Variants in REPS2 observed in about 807,000 individuals in gnomAD.
REPS2 encodes the protein ralBP1-associated Eps domain-containing protein 2.
REPS2 carries 23 observed loss-of-function variants against 53.6 expected under a neutral mutation model. The observed-to-expected ratio is 0.43, with a 90% CI of 0.31 to 0.61. REPS2 has a LOEUF of 0.61. Ranked by LOEUF, REPS2 falls within the 20% of genes least tolerant of loss-of-function variation. The pLI, the probability that REPS2 is intolerant of heterozygous loss-of-function variation, is 0.11. For missense variants in REPS2, 446 were observed against 534.9 expected (o/e 0.83, Z 1.64); for synonymous variants, 238 against 218.6 (o/e 1.09, Z -0.78).
At chrX:17,173,079 C>T in the REPS2 span, among the ~76,000 whole-genome samples, 1 of 109,983 alleles carries the variant, frequency 9.1e-6, no homozygotes, top group African/African-American at 3.3e-5. Flanking sequence ...AAAATAATAC[C>T]TCTATTAGTT....
downstream of REPS2, among the ~76,000 whole-genome samples, chrX:17,155,749 A>G (rs1468280898): frequency 3.6e-5 from 4 of 112,090 alleles, no homozygotes; most frequent in Non-Finnish European, 7.5e-5. Flanking sequence ...AATTTGTTAT[A>G]TATCTTCTGG....
intron 3 of REPS2, among the ~76,000 whole-genome samples, chrX:17,024,721 C>T (rs1183123468): frequency 9.0e-6 from 1 of 111,024 alleles, no homozygotes; most frequent in African/African-American, 3.3e-5. Context: ...TGAAATCTAT[C>T]CACAGAGAGA....
chrX:17,163,760 A>G, the REPS2 span, among the ~76,000 whole-genome samples: 2 of 112,141 alleles, frequency 1.8e-5, no homozygotes, highest in Non-Finnish European at 3.8e-5. Context: ...TCATTCTCAA[A>G]TAAACAAAAA....
chrX:17,023,292 G>T (rs1234195769), intron 3 of REPS2, among the ~76,000 whole-genome samples: 1 of 111,030 alleles, frequency 9.0e-6, no homozygotes, highest in Non-Finnish European at 1.9e-5. Flanking sequence ...GCCGGGCGTG[G>T]TGGCATGTGC....
chrX:17,020,828 A>G (rs2061565637), intron 2 of REPS2, among the ~76,000 whole-genome samples: 1 of 110,379 alleles, frequency 9.1e-6, no homozygotes, highest in Admixed American at 9.7e-5. Flanking sequence ...ACGGGGTTTT[A>G]CCATGTTGGC....
chrX:16,965,794 C>T (rs1006440650), intron 1 of REPS2, among the ~76,000 whole-genome samples: 3 of 112,456 alleles, frequency 2.7e-5, no homozygotes, highest in East Asian at 2.8e-4. Flanking sequence ...GCTGAGATCA[C>T]GCCACTGCAC....
chrX:16,982,609 G>C (rs1004359722), intron 1 of REPS2, among the ~76,000 whole-genome samples: 2 of 112,049 alleles, frequency 1.8e-5, no homozygotes, highest in African/African-American at 6.5e-5. Context: ...GATGTTTCAC[G>C]AGTTGATAGA....
At chrX:17,080,365 G>A (rs756048250) in intron 13 of REPS2, among the ~76,000 whole-genome samples, 8 of 93,686 alleles carry the variant, frequency 8.5e-5, no homozygotes, top group African/African-American at 1.2e-4. Context: ...TTCTCTTTTT[G>A]TCCTTCTCCC....
At chrX:17,131,279 C>T (rs950836472) in intron 14 of REPS2, among the ~76,000 whole-genome samples, 1 of 110,981 alleles carries the variant, frequency 9.0e-6, no homozygotes, top group African/African-American at 3.3e-5. Context: ...TCTCAGATGC[C>T]AGGGGCAGGA....
At chrX:17,139,735 G>A (rs1216941979) in intron 17 of REPS2, among the ~76,000 whole-genome samples, 1 of 110,849 alleles carries the variant, frequency 9.0e-6, no homozygotes, top group Non-Finnish European at 1.9e-5. Flanking sequence ...TCCTTGGCTT[G>A]TAGCTGCGTC....
intron 1 of REPS2, among the ~76,000 whole-genome samples, chrX:16,949,948 C>A (rs1333819302): frequency 9.0e-6 from 1 of 111,064 alleles, no homozygotes; most frequent in African/African-American, 3.3e-5. Flanking sequence ...TGGGTTTGGA[C>A]AAATGTATAA....
At chrX:17,000,659 C>A (rs1474297498) in intron 1 of REPS2, among the ~76,000 whole-genome samples, 2 of 110,799 alleles carry the variant, frequency 1.8e-5, no homozygotes, top group Admixed American at 1.9e-4. Context: ...AATTCTATAA[C>A]AAGAGAAAAA....
Position 17,142,375 on chromosome X carries a change from A to G in REPS2, c.1914+3414A>G, listed in dbSNP as rs181469511. On this transcript the variant is annotated intron_variant, in intron 17 of 17. Transcript: ENST00000357277. The stretch of plus-strand genomic sequence containing the variant: ...GACTTCATCAAAATTAAAACCTTTT[A>G]TTTTGCCAAGCACAGTTAAGAAAAT... 3.1e-3 allele frequency among the ~76,000 whole-genome samples: 341 copies of G among 111,708 alleles called. 1 individual carries two copies. The highest frequency in any genetic ancestry group is 9.9e-3 in the African/African-American group (304 of 30,820).
At chrX:16,984,818 TC>T (rs2061071255) in intron 1 of REPS2, among the ~76,000 whole-genome samples, 1 of 110,887 alleles carries the variant, frequency 9.0e-6, no homozygotes, top group African/African-American at 3.3e-5. Context: ...TTTTTTTTTT[TC>T]CTGGAAAATC....
chrX:17,038,129 A>G (rs1329921739), intron 5 of REPS2, among the ~76,000 whole-genome samples: 3 of 112,505 alleles, frequency 2.7e-5, no homozygotes, highest in Non-Finnish European at 5.6e-5. Context: ...CTTGCTCTCT[A>G]GGTGCTTGCA....
At chrX:17,123,469 A>G (rs1262018929) in intron 14 of REPS2, among the ~76,000 whole-genome samples, 1 of 112,690 alleles carries the variant, frequency 8.9e-6, no homozygotes, top group African/African-American at 3.2e-5. Context: ...TCCATAATCT[A>G]ATGGGTTCCA....
At chrX:16,954,168 C>T (rs771894482) in intron 1 of REPS2, among the ~76,000 whole-genome samples, 212 of 110,907 alleles carry the variant, frequency 1.9e-3, no homozygotes, top group Non-Finnish European at 3.2e-3. Flanking sequence ...ATTATGTTGC[C>T]CAGCCTGGTC....
chrX:17,188,628 G>C, the REPS2 span, among the ~76,000 whole-genome samples: 31 of 112,453 alleles, frequency 2.8e-4, no homozygotes, highest in Non-Finnish European at 5.4e-4. Flanking sequence ...AAGAAATCTG[G>C]AAAACTGATC....
At chrX:17,035,569 G>A (rs989418838) in intron 5 of REPS2, among the ~76,000 whole-genome samples, 5 of 111,060 alleles carry the variant, frequency 4.5e-5, no homozygotes, top group Non-Finnish European at 9.4e-5. Context: ...ATTTACCAAG[G>A]CATTACTTGG....
Sources: gnomAD v4.1 joint callset for allele counts (sites outside exome capture counted in the v4.1 genomes callset) on GRCh38, gnomAD v4.1.1 for gene constraint, MANE v1.5 for transcripts, NCBI Gene and HGNC (gene_info 2026-07-23, HGNC 2026-07-21) for gene names.